Variants in STXBP3 observed in about 807,000 individuals in gnomAD.
STXBP3 encodes the protein syntaxin-binding protein 3.
A neutral mutation model predicts 85.7 loss-of-function variants in STXBP3; 41 were observed. The observed-to-expected ratio is 0.48, with a 90% CI of 0.37 to 0.62. The LOEUF (loss-of-function observed/expected upper bound fraction) is 0.62, where lower values mean the gene tolerates loss of function less well. Among genes scored for constraint, STXBP3 ranks in the 20% least tolerant of loss-of-function variants. The probability of loss-of-function intolerance (pLI) is 0.00; values close to 1 mark genes in which losing one functional copy is unlikely to be tolerated. For missense variants in STXBP3, 563 were observed against 703.1 expected (o/e 0.80, Z 2.25); for synonymous variants, 229 against 231.7 (o/e 0.99, Z 0.10).
chr1:108,780,691 A>G (rs1662698798), intron 9 of STXBP3: 1 of 151,558 alleles, frequency 6.6e-6, no homozygotes, highest in African/African-American at 2.4e-5. Context: ...TTTTATGGAA[A>G]CAGAATACAA....
rs1127635 is a variant in STXBP3 at position 108,796,239 on chromosome 1, G to C, written c.1116G>C (p.Leu372=). ...AATATTTTATTTTCATTAAGGACCT[G>C]GCACTTGGAACTGATGCAGAAGGAC... is the stretch of plus-strand genomic sequence containing the variant. ...IEKLCKTEQD[L]ALGTDAEGQK... is the part of the protein sequence containing the mutation. Residue 372 remains leucine (L), a synonymous_variant, in exon 14 of 19, where the codon CTG becomes CTC. Coordinates refer to ENST00000370008, the MANE Select transcript of STXBP3 (RefSeq NM_007269.4). 0.42 allele frequency: 677,596 copies of C among 1,604,600 alleles called. 146,031 individuals are homozygous for C. The highest frequency in any genetic ancestry group is 0.45 in the Non-Finnish European group (524,315 of 1,176,468).
chr1:108,754,076 A>T (rs1397684494), intron 3 of STXBP3, among the ~76,000 whole-genome samples: 1 of 136,954 alleles, frequency 7.3e-6, no homozygotes, highest in Non-Finnish European at 1.5e-5. Flanking sequence ...TCTGTCACCC[A>T]GGCTGGAGTG....
At chr1:108,804,207 G>A (rs1663284435) in intron 17 of STXBP3, among the ~76,000 whole-genome samples, 1 of 151,732 alleles carries the variant, frequency 6.6e-6, no homozygotes, top group African/African-American at 2.4e-5. Context: ...AAACTTTTTT[G>A]TTTCTTCTGC....
In STXBP3 at chr1:108,793,470, T is replaced by C; in HGVS notation, c.964-112T>C. On this transcript the variant is annotated intron_variant, in intron 11 of 18. Coordinates refer to ENST00000370008, the MANE Select transcript of STXBP3 (RefSeq NM_007269.4). Reference sequence around the variant, plus strand: ...TTCTTCTTTCAAAAAAATTGTCAAATATTCAGTAAATTAACTAGATTTGAT... The same window carrying C: ...TTCTTCTTTCAAAAAAATTGTCAAACATTCAGTAAATTAACTAGATTTGAT... 3 of 923,088 alleles carry C rather than the reference T, an allele frequency of 3.2e-6. No homozygotes were observed. In the South Asian group the frequency reaches 5.4e-5, roughly 17 times the overall value. The allele number at this position is 923,088 out of a possible 1,614,324, so 57.2% of individuals were successfully genotyped here. A position where few individuals can be genotyped will look rare whatever the true frequency, so the allele number is the denominator to read the frequency against.
At chr1:108,808,112 A>C (rs181582695) in intron 18 of STXBP3, among the ~76,000 whole-genome samples, 1 of 152,352 alleles carries the variant, frequency 6.6e-6, no homozygotes, top group Admixed American at 6.5e-5. Context: ...ACGTTTGTTT[A>C]ACCATTAAAT....
chr1:108,785,646 T>C (rs751103448), intron 11 of STXBP3, among the ~76,000 whole-genome samples: 5 of 152,252 alleles, frequency 3.3e-5, no homozygotes, highest in Non-Finnish European at 7.4e-5. Flanking sequence ...CCCCCGAAAA[T>C]GGGTTTTTCT....
intron 11 of STXBP3, among the ~76,000 whole-genome samples, chr1:108,785,594 C>T (rs1662808641): frequency 6.6e-6 from 1 of 152,132 alleles, no homozygotes; most frequent in African/African-American, 2.4e-5. Context: ...ACATTTGGCT[C>T]CTTGTTTCTT....
At chr1:108,753,641 T>G (rs1299823070) in intron 3 of STXBP3, among the ~76,000 whole-genome samples, 1 of 152,132 alleles carries the variant, frequency 6.6e-6, no homozygotes, top group Non-Finnish European at 1.5e-5. Flanking sequence ...TTTGAAATAC[T>G]TACAGATTCT....
intron 3 of STXBP3, among the ~76,000 whole-genome samples, chr1:108,754,365 T>C (rs1262122328): frequency 6.6e-6 from 1 of 152,178 alleles, no homozygotes; most frequent in Non-Finnish European, 1.5e-5. Context: ...TTATTACATA[T>C]TCAATTGTGG....
Position 108,753,098 on chromosome 1 carries a change from G to C in STXBP3, c.135G>C (p.Leu45Phe). The C allele has an allele frequency of 6.3e-7, 1 of 1,584,114 alleles. No individual in the cohort carries two copies. Among genetic ancestry groups the C allele is most frequent in the Non-Finnish European group, 8.6e-7 (1 of 1,166,714 alleles). The change falls in exon 3 of 19, where the codon TTG (leucine) becomes TTC (phenylalanine). Residue 45 changes from leucine to phenylalanine, a missense_variant. Transcript: ENST00000370008. ...MLLDEFTTKL[L>F]ASCCKMTDLL... is the part of the protein sequence containing the mutation. ...TAGATGAATTTACCACTAAGCTTTT[G>C]GCATCGTGTTGCAAAATGACAGATC...
intron 11 of STXBP3, among the ~76,000 whole-genome samples, chr1:108,785,239 C>T (rs1299186674): frequency 2.0e-5 from 3 of 152,212 alleles, no homozygotes; most frequent in Non-Finnish European, 2.9e-5. Context: ...ATCCCTGCAG[C>T]GAACTCCGGC....
chr1:108,800,647 C>G (rs1372522652), intron 17 of STXBP3, among the ~76,000 whole-genome samples: 1 of 152,146 alleles, frequency 6.6e-6, no homozygotes, highest in African/African-American at 2.4e-5. Context: ...GCCCAGTGCC[C>G]AGCTTATTAA....
intron 1 of STXBP3, among the ~76,000 whole-genome samples, chr1:108,751,726 A>G (rs2101101227): frequency 6.6e-6 from 1 of 152,262 alleles, no homozygotes; most frequent in East Asian, 1.9e-4. Flanking sequence ...TTTAAAACAT[A>G]TTTAGATAAT....
At chr1:108,807,609 T>C in intron 18 of STXBP3, 60 bp downstream of exon 18, 3 of 1,513,288 alleles carry the variant, frequency 2.0e-6, no homozygotes, top group South Asian at 1.2e-5. Context: ...TAAGTCTCGG[T>C]CTTGTCCCCC....
chr1:108,783,277 A>G (rs1662754880), intron 11 of STXBP3, among the ~76,000 whole-genome samples: 1 of 152,236 alleles, frequency 6.6e-6, no homozygotes. Context: ...CAAATCTTAA[A>G]TTTATACTGG....
At chr1:108,792,906 TCTTTA>T (rs1477216954) in intron 11 of STXBP3, among the ~76,000 whole-genome samples, 2 of 152,196 alleles carry the variant, frequency 1.3e-5, no homozygotes, top group Non-Finnish European at 2.9e-5. Flanking sequence ...CACTTAGGTC[TCTTTA>T]CTTTGTCTAG....
intron 6 of STXBP3, chr1:108,767,022 C>A: frequency 2.1e-6 from 1 of 465,856 alleles, no homozygotes. Flanking sequence ...TAACATGTCA[C>A]CAACCATCAC....
At chr1:108,804,958 C>T (rs1403902605) in intron 17 of STXBP3, among the ~76,000 whole-genome samples, 1 of 152,172 alleles carries the variant, frequency 6.6e-6, no homozygotes, top group Non-Finnish European at 1.5e-5. Flanking sequence ...TACCAATAGC[C>T]CTGGAGATTT....
chr1:108,770,084 G>A (rs1662351952), intron 6 of STXBP3, among the ~76,000 whole-genome samples: 1 of 152,034 alleles, frequency 6.6e-6, no homozygotes, highest in Non-Finnish European at 1.5e-5. Flanking sequence ...GAGCCCAGGA[G>A]TACTAGACCA....
Sources: gnomAD v4.1 joint callset for allele counts (sites outside exome capture counted in the v4.1 genomes callset) on GRCh38, gnomAD v4.1.1 for gene constraint, MANE v1.5 for transcripts, NCBI Gene and HGNC (gene_info 2026-07-23, HGNC 2026-07-21) for gene names.